Variants in GALNT9 observed in about 807,000 individuals in gnomAD.
GALNT9 encodes the protein polypeptide N-acetylgalactosaminyltransferase 9, also known as GalNAc transferase 9.
A neutral mutation model predicts 63.1 loss-of-function variants in GALNT9; 47 were observed. That is an observed-to-expected ratio of 0.75 (90% confidence interval 0.59 to 0.95). The LOEUF is 0.95. GALNT9 is among the 40% of genes least tolerant of loss of function. The pLI is 0.00. For synonymous variants in GALNT9, 396 were observed against 365.7 expected (o/e 1.08, Z -0.94); for missense variants, 829 against 874.8 (o/e 0.95, Z 0.66).
intron 1 of GALNT9, among the ~76,000 whole-genome samples, chr12:132,326,223 G>A (rs1178249126): frequency 2.6e-5 from 4 of 152,222 alleles, no homozygotes; most frequent in Non-Finnish European, 5.9e-5. Context: ...GAAATTTAGC[G>A]TTTATGAGAC....
Position 132,282,147 on chromosome 12 carries a change from G to A in GALNT9, c.419+4103C>T, listed in dbSNP as rs1555241727. 6.9e-6 allele frequency among the ~76,000 whole-genome samples: 1 copy of A among 145,044 alleles called. No homozygotes were observed. Among genetic ancestry groups the A allele is most frequent in the African/African-American group, 2.7e-5 (1 of 37,288 alleles). ...AGGCCTGGGGGTCCCCGATCCCACA[G>A]AGGAGGAATCAGCTCCACTACAGCA... On this transcript the variant is annotated intron_variant, in intron 2 of 10. Transcript: ENST00000328957. This position sits in a 1 kb window ranked among gnomAD's most constrained non-coding sequence, Gnocchi z 4.5.
chr12:132,239,829 G>T (rs1878174637), intron 6 of GALNT9, among the ~76,000 whole-genome samples: 1 of 152,088 alleles, frequency 6.6e-6, no homozygotes, highest in East Asian at 1.9e-4. Context: ...CAGAAAGACT[G>T]AGAGAGACAA....
chr12:132,240,912 C>A (rs1166603333), intron 6 of GALNT9, among the ~76,000 whole-genome samples: 1 of 142,576 alleles, frequency 7.0e-6, no homozygotes, highest in Non-Finnish European at 1.5e-5. Context: ...CTTCCCGGGG[C>A]CCTCCCTATC....
At chr12:132,222,022 C>T (rs1877470388) in intron 6 of GALNT9, among the ~76,000 whole-genome samples, 1 of 152,112 alleles carries the variant, frequency 6.6e-6, no homozygotes, top group South Asian at 2.1e-4. Flanking sequence ...AAGCTCAAGA[C>T]AGACAGTGGA....
At chr12:132,216,147 CAG>C (rs1451950301) in intron 6 of GALNT9, among the ~76,000 whole-genome samples, 1 of 151,426 alleles carries the variant, frequency 6.6e-6, no homozygotes, top group Non-Finnish European at 1.5e-5. Context: ...TACAGAGACA[CAG>C]AGATGGAGAG....
chr12:132,292,042 A>G (rs1880880388), intron 1 of GALNT9, among the ~76,000 whole-genome samples: 2 of 151,780 alleles, frequency 1.3e-5, no homozygotes, highest in South Asian at 2.1e-4. Context: ...CCTCACTCGG[A>G]CCTCAGCTCT....
chr12:132,286,282 G>C lies in GALNT9; in HGVS notation c.387C>G (p.Leu129=). 1 of 1,551,092 alleles carries C rather than the reference G, an allele frequency of 6.4e-7. No homozygotes were observed. The highest frequency in any genetic ancestry group is 1.4e-5 in the African/African-American group (1 of 73,136). ...YNAQLSDRIS[L]DRSIPDYRPR... ...GCCGGTAGTCGGGGATGCTCCGATC[G>C]AGGGAGATGCGGTCGCTGAGCTGAG... The change falls in exon 2 of 11, where the codon CTC becomes CTG. Residue 129 remains leucine (L), a synonymous_variant. Transcript: ENST00000328957. This position sits in a 1 kb window ranked among gnomAD's most constrained non-coding sequence, Gnocchi z 7.4.
intron 1 of GALNT9, among the ~76,000 whole-genome samples, chr12:132,299,233 C>T (rs1256519599): frequency 2.1e-5 from 3 of 142,506 alleles, no homozygotes; most frequent in Non-Finnish European, 4.6e-5. Context: ...ACTCCCACCA[C>T]ACCTAACCAT....
intron 5 of GALNT9, among the ~76,000 whole-genome samples, chr12:132,255,918 G>A (rs1280400303): frequency 3.9e-5 from 6 of 152,074 alleles, no homozygotes; most frequent in African/African-American, 1.4e-4. Flanking sequence ...GCCCCATCTC[G>A]TTGCGGCTGT....
intron 6 of GALNT9, among the ~76,000 whole-genome samples, chr12:132,218,683 C>T (rs1004655200): frequency 1.3e-5 from 2 of 152,222 alleles, no homozygotes; most frequent in Non-Finnish European, 2.9e-5. Context: ...GCTGGAAAGG[C>T]AAATCCCATC....
intron 6 of GALNT9, among the ~76,000 whole-genome samples, chr12:132,224,574 A>C (rs1202823674): frequency 4.1e-4 from 9 of 22,170 alleles, no homozygotes; most frequent in Non-Finnish European, 6.4e-4. Context: ...CCCACACCCC[A>C]CACACACACA....
At chr12:132,309,265 G>A (rs781990992) in intron 1 of GALNT9, among the ~76,000 whole-genome samples, 5 of 152,224 alleles carry the variant, frequency 3.3e-5, no homozygotes, top group African/African-American at 4.8e-5. Context: ...GCAGAGATGG[G>A]CTGGAGTGGA....
chr12:132,301,163 A>G (rs1881280836), intron 1 of GALNT9, among the ~76,000 whole-genome samples: 1 of 152,272 alleles, frequency 6.6e-6, no homozygotes, highest in Non-Finnish European at 1.5e-5. Context: ...ACTCCGTCAC[A>G]GTGCTCCGAA....
At position 132,303,453 on chromosome 12, in the gene GALNT9, ACCCTC is replaced by A. The variant is rs1881400980; in HGVS notation, c.239-17028_239-17024del. Among the ~76,000 whole-genome samples, 14 of 135,894 alleles carry A rather than the reference ACCCTC, an allele frequency of 1.0e-4. 2 individuals carry two copies. The highest frequency in any genetic ancestry group is 3.9e-3 in the Middle Eastern group (1 of 258). 89.2% of individuals were successfully genotyped at this position (135,894 alleles called of 152,430 possible). Reference sequence around the variant, plus strand: ...CCCGGGCACACCCTCGCCCGGGCACACCCTCGCCCGGACACACCCTCACCCGGGCA... The same window carrying A: ...CCCGGGCACACCCTCGCCCGGGCACAGCCCGGACACACCCTCACCCGGGCA... On this transcript the variant is annotated intron_variant, in intron 1 of 10. Coordinates refer to ENST00000328957, the MANE Select transcript of GALNT9 (RefSeq NM_001122636.2).
chr12:132,201,332 T>TG (rs1275759860), intron 7 of GALNT9, 71 bp from the exon 8 acceptor site: 13 of 1,095,182 alleles, frequency 1.2e-5, no homozygotes, highest in South Asian at 4.1e-5. Flanking sequence ...ATAATGAGGT[T>TG]GGGGGTCTCC....
At chr12:132,231,173 C>T (rs1280213985) in intron 6 of GALNT9, among the ~76,000 whole-genome samples, 15 of 73,622 alleles carry the variant, frequency 2.0e-4, no homozygotes, top group East Asian at 4.2e-4. Context: ...GCCACACACT[C>T]GATGGGGCGA....
At chr12:132,197,752 C>T (rs772483806) in intron 10 of GALNT9, 40 bp downstream of exon 10, 1 of 1,311,036 alleles carries the variant, frequency 7.6e-7, no homozygotes, top group South Asian at 1.3e-5. Flanking sequence ...GCAGCCCTGC[C>T]CCGCCCCAAC....
chr12:132,216,607 C>T (rs2135517343), intron 6 of GALNT9, among the ~76,000 whole-genome samples: 1 of 152,342 alleles, frequency 6.6e-6, no homozygotes, highest in Middle Eastern at 3.4e-3. Context: ...TCCCTGGTCT[C>T]CGCTGGGTGT....
chr12:132,304,126 C>G (rs193273485), intron 1 of GALNT9, among the ~76,000 whole-genome samples: 6 of 36,392 alleles, frequency 1.6e-4, no homozygotes, highest in African/African-American at 2.3e-4. Flanking sequence ...CCCGGGCACA[C>G]CCTCTCCGGG....
Sources: allele counts gnomAD v4.1 joint callset (sites outside exome capture counted in the v4.1 genomes callset), GRCh38; gene constraint gnomAD v4.1.1; non-coding constraint Gnocchi (gnomAD v3.1); transcripts MANE v1.5; gene names NCBI Gene and HGNC (gene_info 2026-07-23, HGNC 2026-07-21).